HSD11B2: variants seen among roughly 807,000 people sequenced by gnomAD.
HSD11B2 encodes the protein hydroxysteroid 11-beta dehydrogenase 2.
In HSD11B2, 17 loss-of-function variants were observed where a neutral mutation model predicts 20.9. The ratio of observed to expected loss-of-function variants is 0.81; its 90% CI spans 0.56 to 1.22. HSD11B2 has a LOEUF of 1.22. HSD11B2 is among the 50% of genes most tolerant of loss of function. The pLI is 0.00. For missense variants in HSD11B2, 480 were observed against 563.6 expected, an observed-to-expected ratio of 0.85 and a Z score of 1.50; for synonymous variants, 253 against 255.4, an observed-to-expected ratio of 0.99 and a Z score of 0.09.
intron 1 of HSD11B2, 56 bp downstream of exon 1, chr16:67,431,569 ACT>A: frequency 7.9e-7 from 1 of 1,263,022 alleles, no homozygotes; most frequent in Non-Finnish European, 1.0e-6. Flanking sequence ...GGGACTGGAC[ACT>A]CAACAGGACT....
At chr16:67,429,930 AG>A (rs2040917390), upstream of HSD11B2, among the ~76,000 whole-genome samples, 2 of 152,186 alleles carry the variant, frequency 1.3e-5, no homozygotes, top group Admixed American at 6.5e-5. Flanking sequence ...GAAGTGTGAC[AG>A]GGAGTCCACA....
intron 1 of HSD11B2, 26 bp downstream of exon 1, chr16:67,431,539 G>A: frequency 7.4e-7 from 1 of 1,347,038 alleles, no homozygotes; most frequent in Admixed American, 3.3e-5. Flanking sequence ...GCGGAGCGCG[G>A]GGACTCCAGG....
chr16:67,436,113 G>A lies in HSD11B2; in HGVS notation c.635G>A (p.Gly212Asp). ...GLLPLLRSSR[G>D]RIVTVGSPAG... ...CTGCCCCTGCTGCGCAGCTCAAGGG[G>A]CCGCATCGTGACTGTGGGGAGCCCA... The change falls in exon 3 of 5, where the codon GGC (glycine) becomes GAC (aspartate). Residue 212 changes from glycine to aspartate, a missense_variant. Around this residue, in one of 2 missense-constraint regions of HSD11B2, gnomAD observed 374 missense variants for 480.9 expected, o/e 0.78. Transcript: ENST00000326152. This position sits in a 1 kb window ranked among gnomAD's most constrained non-coding sequence, Gnocchi z 5.7. 6.2e-7 allele frequency: 1 copy of A among 1,613,978 alleles called. No individual in the cohort carries two copies. Among genetic ancestry groups the A allele is most frequent in the South Asian group, 1.1e-5 (1 of 91,084 alleles).
In HSD11B2 at chr16:67,436,196, C is replaced by T. The variant is rs1023645268; in HGVS notation, c.665-53C>T. ...AGGAGCCCCCTGGGGTGGGGGAGGG[C>T]TTAGGGAGCCCCTTGCCAAAGCTGA... is the stretch of plus-strand genomic sequence containing the variant. On this transcript the variant is annotated intron_variant, in intron 3 of 4. Transcript: ENST00000326152. This position sits in a 1 kb window ranked among gnomAD's most constrained non-coding sequence, Gnocchi z 5.7. 3.2e-5 allele frequency: 52 copies of T among 1,613,412 alleles called. No individual in the cohort carries two copies. Among genetic ancestry groups the T allele is most frequent in the Non-Finnish European group, 4.4e-5 (52 of 1,179,798 alleles).
Position 67,436,480 on chromosome 16 carries a change from T to C in HSD11B2, c.802+94T>C. On this transcript the variant is annotated intron_variant, in intron 4 of 4. Transcript: ENST00000326152. The surrounding 1 kb of genome is among the most constrained non-coding windows in gnomAD (Gnocchi z 5.7). Reference sequence around the variant, plus strand: ...TCAGGTTTGATGAATGGTCATGGTTTTGGTTGGGGGTGTAGTTTTGGCTGC... The same window carrying C: ...TCAGGTTTGATGAATGGTCATGGTTCTGGTTGGGGGTGTAGTTTTGGCTGC... The C allele has an allele frequency of 6.5e-7, 1 of 1,541,602 alleles. No individual in the cohort carries two copies. The highest frequency in any genetic ancestry group is 8.8e-7 in the Non-Finnish European group (1 of 1,135,262).
chr16:67,435,980 G>A lies in HSD11B2; in HGVS notation c.502G>A (p.Ala168Thr). 1.9e-6 allele frequency: 3 copies of A among 1,614,198 alleles called. No homozygotes were observed. Among genetic ancestry groups the A allele is most frequent in the Non-Finnish European group, 2.5e-6 (3 of 1,180,040 alleles). The change falls in exon 3 of 5, where the codon GCA (alanine) becomes ACA (threonine). Residue 168 changes from alanine (A) to threonine (T), a missense_variant. This residue lies in a region of HSD11B2 where 374 missense variants were observed against 480.9 expected (regional missense o/e 0.78). Transcript: ENST00000326152. ...AGGCCTGTGGGGCCTCGTCAACAACGCAGGCCACAATGAAGTAGTTGCTGA... is the reference window on the plus strand; with the variant it reads ...AGGCCTGTGGGGCCTCGTCAACAACACAGGCCACAATGAAGTAGTTGCTGA... ...STGLWGLVNNAGHNEVVADAE... is the reference protein window; with the variant it reads ...STGLWGLVNNTGHNEVVADAE...
upstream of HSD11B2, among the ~76,000 whole-genome samples, chr16:67,429,996 C>T (rs947967267): frequency 3.3e-5 from 5 of 152,120 alleles, no homozygotes; most frequent in Non-Finnish European, 5.9e-5. Context: ...GCCTGGAAGC[C>T]CACGGGAAGC....
At position 67,436,667 on chromosome 16, in the gene HSD11B2, C is replaced by A. The variant is rs754664398; in HGVS notation, c.882C>A (p.Ala294=). 1.9e-6 allele frequency: 3 copies of A among 1,614,218 alleles called. No individual in the cohort carries two copies. The highest frequency in any genetic ancestry group is 2.5e-6 in the Non-Finnish European group (3 of 1,180,036). The change falls in exon 5 of 5, where the codon GCC becomes GCA. Residue 294 remains alanine (A), a synonymous_variant. Transcript: ENST00000326152. The surrounding 1 kb of genome is among the most constrained non-coding windows in gnomAD (Gnocchi z 5.7). ...ACCTGCCTCAAGAGCTGCTGCAGGC[C>A]TACGGCAAGGACTACATCGAGCACT... ...LANLPQELLQ[A]YGKDYIEHLH...
rs1418334204 is a variant in HSD11B2 at position 67,436,256 on chromosome 16, G to A, written c.672G>A (p.Met224Ile). ...IVTVGSPAGDMPYPCLGAYGT... is the reference protein window; with the variant it reads ...IVTVGSPAGDIPYPCLGAYGT... Reference sequence around the variant, plus strand: ...CTCCCAATCCATCCGCAGGGGACATGCCATATCCGTGCTTGGGGGCCTATG... The same window carrying A: ...CTCCCAATCCATCCGCAGGGGACATACCATATCCGTGCTTGGGGGCCTATG... The change falls in exon 4 of 5, where the codon ATG (methionine) becomes ATA (isoleucine). Residue 224 changes from methionine (M) to isoleucine (I), a missense_variant. This residue lies in a region of HSD11B2 where 374 missense variants were observed against 480.9 expected (regional missense o/e 0.78). Coordinates refer to ENST00000326152, the MANE Select transcript of HSD11B2 (RefSeq NM_000196.4). The surrounding 1 kb of genome is among the most constrained non-coding windows in gnomAD (Gnocchi z 5.7). 1 of 1,614,134 alleles carries A rather than the reference G, an allele frequency of 6.2e-7. No individual in the cohort carries two copies. The highest frequency in any genetic ancestry group is 8.5e-7 in the Non-Finnish European group (1 of 1,180,016).
chr16:67,433,853 T>C (rs2040951453), intron 1 of HSD11B2, among the ~76,000 whole-genome samples: 1 of 144,338 alleles, frequency 6.9e-6, no homozygotes. Context: ...GAGACCGTAC[T>C]GAGCGGTCCA....
chr16:67,437,229 C>G lies in HSD11B2; in HGVS notation c.*226C>G, dbSNP rs1307552014. On this transcript the variant is annotated 3_prime_UTR_variant, in exon 5 of 5. Transcript: ENST00000326152. The stretch of plus-strand genomic sequence containing the variant: ...TCCACTGTTTCATGAGCCCAAACAC[C>G]CTCCTGGCACAACGCTCTACCCTGC... 4 of 599,108 alleles carry G rather than the reference C, an allele frequency of 6.7e-6. No homozygotes were observed. Among genetic ancestry groups the G allele is most frequent in the Non-Finnish European group, 8.9e-6 (3 of 336,386 alleles). 37.1% of individuals were successfully genotyped at this position (599,108 alleles called of 1,614,324 possible). A position where few individuals can be genotyped will look rare whatever the true frequency, so the allele number is the denominator to read the frequency against.
At chr16:67,429,971 G>A (rs1373967894), upstream of HSD11B2, among the ~76,000 whole-genome samples, 1 of 152,196 alleles carries the variant, frequency 6.6e-6, no homozygotes, top group Non-Finnish European at 1.5e-5. Context: ...GGGCAGGGAT[G>A]AGGCACTGAG....
At position 67,431,280 on chromosome 16, in the gene HSD11B2, C is replaced by A; in HGVS notation, c.32C>A (p.Ala11Asp). The A allele has an allele frequency of 7.9e-7, 1 of 1,270,154 alleles. No homozygotes were observed. Among genetic ancestry groups the A allele is most frequent in the South Asian group, 2.1e-5 (1 of 47,812 alleles). 78.7% of individuals were successfully genotyped at this position (1,270,154 alleles called of 1,614,324 possible). ...CGCTGGCCTTGGCCGTCGGGCGGCG[C>A]CTGGCTGCTCGTGGCTGCCCGCGCG... MERWPWPSGG[A>D]WLLVAARALL... Residue 11 changes from alanine (A) to aspartate (D), a missense_variant, in exon 1 of 5, where the codon GCC becomes GAC. By Grantham distance (126) the Ala-to-Asp change is moderately radical (BLOSUM62 -2). Around this residue, in one of 2 missense-constraint regions of HSD11B2, gnomAD observed 106 missense variants for 82.8 expected, o/e 1.28. Transcript: ENST00000326152.
In HSD11B2 at chr16:67,436,538, C is replaced by T. The variant is rs1444215845; in HGVS notation, c.803-50C>T. 6 of 1,608,828 alleles carry T rather than the reference C, an allele frequency of 3.7e-6. No homozygotes were observed. The highest frequency in any genetic ancestry group is 5.1e-6 in the Non-Finnish European group (6 of 1,177,058). Reference sequence around the variant, plus strand: ...GCGCGGGTTAAACAGTCCTAATTGGCTTTGGCTCCCCTAGCTGATCCCACT... The same window carrying T: ...GCGCGGGTTAAACAGTCCTAATTGGTTTTGGCTCCCCTAGCTGATCCCACT... On this transcript the variant is annotated intron_variant, in intron 4 of 4. Transcript: ENST00000326152. The surrounding 1 kb of genome is among the most constrained non-coding windows in gnomAD (Gnocchi z 5.7).
intron 1 of HSD11B2, among the ~76,000 whole-genome samples, chr16:67,431,936 C>T (rs900252659): frequency 6.6e-6 from 1 of 152,196 alleles, no homozygotes; most frequent in Non-Finnish European, 1.5e-5. Context: ...TCCCATTCCT[C>T]GGGCCAGAGG....
chr16:67,431,205 C>T lies in HSD11B2; in HGVS notation c.-44C>T. The T allele has an allele frequency of 1.8e-6, 2 of 1,103,642 alleles. No homozygotes were observed. The highest frequency in any genetic ancestry group is 2.2e-6 in the Non-Finnish European group (2 of 895,708). 68.4% of individuals were successfully genotyped at this position (1,103,642 alleles called of 1,614,324 possible). On this transcript the variant is annotated 5_prime_UTR_variant, in exon 1 of 5. Transcript: ENST00000326152. ...CTAGAAGCTCTCTCTCCCCGCTCCC[C>T]GGCCCGGCCCCCGCCCCGCCCCGCC... is the stretch of plus-strand genomic sequence containing the variant.
chr16:67,431,356 G>A lies in HSD11B2; in HGVS notation c.108G>A (p.Ala36=), dbSNP rs1474986564. 8.1e-7 allele frequency: 1 copy of A among 1,238,352 alleles called. No homozygotes were observed. Among genetic ancestry groups the A allele is most frequent in the Non-Finnish European group, 1.0e-6 (1 of 981,816 alleles). The allele number at this position is 1,238,352 out of a possible 1,614,324, so 76.7% of individuals were successfully genotyped here. Reference sequence around the variant, plus strand: ...TGCGTCTGGGCCGCCCGCTGCTGGCGGCGCTGGCGCTGCTGGCCGCGCTCG... The same window carrying A: ...TGCGTCTGGGCCGCCCGCTGCTGGCAGCGCTGGCGCTGCTGGCCGCGCTCG... The part of the protein sequence containing the change: ...SDLRLGRPLL[A]ALALLAALDW... The change falls in exon 1 of 5, where the codon GCG becomes GCA. Residue 36 remains alanine (A), a synonymous_variant. Coordinates refer to ENST00000326152, the MANE Select transcript of HSD11B2 (RefSeq NM_000196.4).
At chr16:67,432,265 G>C (rs927560507) in intron 1 of HSD11B2, among the ~76,000 whole-genome samples, 21 of 152,106 alleles carry the variant, frequency 1.4e-4, no homozygotes, top group South Asian at 4.1e-4. Flanking sequence ...GGGAAGGGGG[G>C]GGGGGGCTGG....
At position 67,436,500 on chromosome 16, in the gene HSD11B2, G is replaced by A. The variant is rs2040974741; in HGVS notation, c.803-88G>A. The A allele has an allele frequency of 6.4e-7, 1 of 1,559,664 alleles. No individual in the cohort carries two copies. The highest frequency in any genetic ancestry group is 1.4e-5 in the African/African-American group (1 of 73,480). On this transcript the variant is annotated intron_variant, in intron 4 of 4. Coordinates refer to ENST00000326152, the MANE Select transcript of HSD11B2 (RefSeq NM_000196.4). This position sits in a 1 kb window ranked among gnomAD's most constrained non-coding sequence, Gnocchi z 5.7. ...TGGTTTTGGTTGGGGGTGTAGTTTT[G>A]GCTGCAGACCTGGCGCGGGTTAAAC...
Sources: allele counts gnomAD v4.1 joint callset (sites outside exome capture counted in the v4.1 genomes callset), GRCh38; gene constraint gnomAD v4.1.1; regional missense constraint gnomAD v4.1.1; non-coding constraint Gnocchi (gnomAD v3.1); transcripts MANE v1.5; gene names NCBI Gene and HGNC (gene_info 2026-07-23, HGNC 2026-07-21).